Variants in RTN4IP1 observed in about 807,000 individuals in gnomAD.
RTN4IP1 encodes the protein reticulon 4 interacting protein 1, also known as NAD(P)H oxidoreductase RTN4IP1, mitochondrial.
RTN4IP1 carries 32 observed loss-of-function variants against 46.6 expected under a neutral mutation model. That is an observed-to-expected ratio of 0.69 (90% CI 0.52 to 0.92). The LOEUF (loss-of-function observed/expected upper bound fraction) is 0.92. Among genes scored for constraint, RTN4IP1 ranks in the 40% least tolerant of loss-of-function variants. The pLI is 0.00. For synonymous variants in RTN4IP1, 167 were observed against 161.8 expected, an observed-to-expected ratio of 1.03 and a Z score of -0.24; for missense variants, 424 against 485.8, an observed-to-expected ratio of 0.87 and a Z score of 1.20.
chr6:106,590,191 G>T (rs1775616247), intron 6 of RTN4IP1, among the ~76,000 whole-genome samples: 1 of 151,936 alleles, frequency 6.6e-6, no homozygotes, highest in Non-Finnish European at 1.5e-5. Context: ...GTGATGGTGG[G>T]TGCCTGTAAT....
chr6:106,623,411 G>C (rs1350370363), intron 1 of RTN4IP1, among the ~76,000 whole-genome samples: 1 of 152,126 alleles, frequency 6.6e-6, no homozygotes, highest in Non-Finnish European at 1.5e-5. Context: ...AAGAGGAAGA[G>C]GATCAAGAAA....
At position 106,619,441 on chromosome 6, in the gene RTN4IP1, T is replaced by C. The variant is rs1186509956; in HGVS notation, c.496-115A>G. The C allele has an allele frequency of 2.5e-5, 31 of 1,235,694 alleles. No homozygotes were observed. In the East Asian group the frequency reaches 4.3e-4, roughly 17 times the overall value. The allele number at this position is 1,235,694 out of a possible 1,614,324, so 76.5% of individuals were successfully genotyped here. A position where few individuals can be genotyped will look rare whatever the true frequency, so the allele number is the denominator to read the frequency against. On this transcript the variant is annotated intron_variant, in intron 3 of 8. Coordinates refer to ENST00000369063, the MANE Select transcript of RTN4IP1 (RefSeq NM_032730.5). ...GACCCTTGAACAACAGGGGTTTGAA[T>C]TGTGCAAGTCCACTTATACGTGGAT...
intron 8 of RTN4IP1, among the ~76,000 whole-genome samples, chr6:106,579,940 C>A (rs1235343598): frequency 6.6e-6 from 1 of 151,742 alleles, no homozygotes; most frequent in Non-Finnish European, 1.5e-5. Context: ...TTAGGCCGGG[C>A]GCAGTGGCTC....
intron 5 of RTN4IP1, among the ~76,000 whole-genome samples, chr6:106,592,720 T>G (rs934521665): frequency 2.6e-5 from 4 of 152,060 alleles, no homozygotes; most frequent in African/African-American, 9.7e-5. Context: ...GGTCAGGAGT[T>G]CGAGACCAGC....
intron 6 of RTN4IP1, among the ~76,000 whole-genome samples, chr6:106,588,832 C>T (rs1775549474): frequency 6.6e-6 from 1 of 151,918 alleles, no homozygotes; most frequent in African/African-American, 2.4e-5. Context: ...AGGGCAAGGC[C>T]GGGTGCAGTG....
chr6:106,607,020 C>T (rs1225067501), intron 4 of RTN4IP1, among the ~76,000 whole-genome samples: 4 of 152,030 alleles, frequency 2.6e-5, no homozygotes, highest in Admixed American at 6.6e-5. Flanking sequence ...GCTACAGTAA[C>T]CAAAACAACA....
intron 5 of RTN4IP1, among the ~76,000 whole-genome samples, chr6:106,600,425 A>T (rs540116794): frequency 1.3e-5 from 2 of 152,256 alleles, no homozygotes; most frequent in Non-Finnish European, 2.9e-5. Context: ...AAATTCATAT[A>T]TATCACCATT....
chr6:106,610,035 C>T (rs917741032), intron 4 of RTN4IP1, among the ~76,000 whole-genome samples: 1 of 151,958 alleles, frequency 6.6e-6, no homozygotes, highest in Non-Finnish European at 1.5e-5. Flanking sequence ...TATCTTTCTT[C>T]AAAGTCCCCA....
intron 1 of RTN4IP1, among the ~76,000 whole-genome samples, chr6:106,626,043 A>G (rs183294246): frequency 6.6e-6 from 1 of 152,302 alleles, no homozygotes; most frequent in Admixed American, 6.5e-5. Context: ...CTGATGATGC[A>G]GGAGACACCT....
Position 106,587,834 on chromosome 6 carries a change from C to T in RTN4IP1, c.835G>A (p.Gly279Arg), listed in dbSNP as rs540432755. The part of the protein sequence containing the change: ...PFDFILDNVG[G>R]STETWAPDFL... ...TCTGGAGCCCATGTTTCAGTGGATC[C>T]GCCAACATTATCAAGGATAAAATCA... Residue 279 changes from glycine to arginine, a missense_variant, in exon 7 of 9, where the codon GGA becomes AGA. Transcript: ENST00000369063. The T allele has an allele frequency of 6.1e-5, 99 of 1,613,196 alleles. No individual in the cohort carries two copies. The highest frequency in any genetic ancestry group is 8.0e-5 in the Non-Finnish European group (94 of 1,179,604).
intron 5 of RTN4IP1, among the ~76,000 whole-genome samples, chr6:106,593,576 T>C (rs950899699): frequency 6.6e-6 from 1 of 152,192 alleles, no homozygotes; most frequent in East Asian, 1.9e-4. Flanking sequence ...CTCACTAGAA[T>C]ACAAGGGATC....
At chr6:106,590,411 G>A (rs1182900961) in intron 6 of RTN4IP1, among the ~76,000 whole-genome samples, 1 of 151,840 alleles carries the variant, frequency 6.6e-6, no homozygotes, top group African/African-American at 2.4e-5. Flanking sequence ...GCTATTCCTA[G>A]AAGCATCAGA....
chr6:106,606,654 C>T lies in RTN4IP1; in HGVS notation c.621-3732G>A, dbSNP rs189455022. Among the ~76,000 whole-genome samples the T allele has an allele frequency of 9.5e-4, 145 of 151,998 alleles. 2 individuals carry two copies. Among genetic ancestry groups the T allele is most frequent in the African/African-American group, 3.4e-3 (141 of 41,490 alleles). On this transcript the variant is annotated intron_variant, in intron 4 of 8. Coordinates refer to ENST00000369063, the MANE Select transcript of RTN4IP1 (RefSeq NM_032730.5). ...AGGCACGGTGGCTCACACCTCTAATCCCAGCACTTTGGGATGCCAAGTGGG... is the reference window on the plus strand; with the variant it reads ...AGGCACGGTGGCTCACACCTCTAATTCCAGCACTTTGGGATGCCAAGTGGG...
chr6:106,578,752 C>T (rs1775287061), intron 8 of RTN4IP1, among the ~76,000 whole-genome samples: 1 of 152,142 alleles, frequency 6.6e-6, no homozygotes, highest in Non-Finnish European at 1.5e-5. Context: ...AGCTCCTCCT[C>T]TGCCTATTCT....
intron 7 of RTN4IP1, among the ~76,000 whole-genome samples, chr6:106,586,341 A>C (rs1425320898): frequency 6.6e-6 from 1 of 152,172 alleles, no homozygotes; most frequent in Non-Finnish European, 1.5e-5. Flanking sequence ...GCCTTGTTCC[A>C]GAGTCTCAAG....
chr6:106,588,425 C>T (rs747013210), intron 6 of RTN4IP1, among the ~76,000 whole-genome samples: 1 of 152,188 alleles, frequency 6.6e-6, no homozygotes, highest in African/African-American at 2.4e-5. Flanking sequence ...TGGAAGCATC[C>T]TCTTCACCTT....
intron 8 of RTN4IP1, among the ~76,000 whole-genome samples, chr6:106,580,024 C>G (rs1475329323): frequency 1.3e-5 from 2 of 151,718 alleles, no homozygotes; most frequent in Admixed American, 1.3e-4. Flanking sequence ...ACCATCCTGG[C>G]TAACACGGTG....
intron 1 of RTN4IP1, 58 bp downstream of exon 1, chr6:106,628,690 G>A: frequency 6.9e-7 from 1 of 1,457,758 alleles, no homozygotes; most frequent in Non-Finnish European, 9.4e-7. Flanking sequence ...TTTTAAAACG[G>A]CATACCTTAT....
chr6:106,586,369 A>G (rs1391079939), intron 7 of RTN4IP1, among the ~76,000 whole-genome samples: 1 of 152,040 alleles, frequency 6.6e-6, no homozygotes, highest in Non-Finnish European at 1.5e-5. Context: ...CTTAATTTAA[A>G]AAAATAGAAT....
Sources: allele counts gnomAD v4.1 joint callset (sites outside exome capture counted in the v4.1 genomes callset), GRCh38; gene constraint gnomAD v4.1.1; transcripts MANE v1.5; gene names NCBI Gene and HGNC (gene_info 2026-07-23, HGNC 2026-07-21).